Variants in MAP3K5 observed in about 807,000 individuals in gnomAD.
The protein encoded by MAP3K5 is mitogen-activated protein kinase kinase kinase 5.
Under a neutral mutation model 158.7 loss-of-function variants are expected in MAP3K5, and 56 were observed. The observed-to-expected ratio is 0.35, with a 90% CI of 0.28 to 0.44. The LOEUF (loss-of-function observed/expected upper bound fraction) is 0.44. MAP3K5 is among the 20% of genes least tolerant of loss of function. The probability of loss-of-function intolerance (pLI) is 1.00; values close to 1 mark genes in which losing one functional copy is unlikely to be tolerated. For missense variants in MAP3K5, 1,294 were observed against 1,674.8 expected (o/e 0.77, Z 3.97); for synonymous variants, 579 against 601.7 (o/e 0.96, Z 0.55).
intron 1 of MAP3K5, among the ~76,000 whole-genome samples, chr6:136,748,036 T>C (rs1783037888): frequency 6.6e-6 from 1 of 150,500 alleles, no homozygotes; most frequent in African/African-American, 2.4e-5. Context: ...AAATGATCTC[T>C]AAAAAAAAAC....
At chr6:136,619,067 AGCCTGGAGGCAGGGTGAAAGTCAC>A (rs1463670095) in intron 15 of MAP3K5, among the ~76,000 whole-genome samples, 1 of 152,152 alleles carries the variant, frequency 6.6e-6, no homozygotes, top group Non-Finnish European at 1.5e-5. Context: ...TGACATATGG[AGCCTGGAGGCAGGGTGAAAGTCAC>A]GCACTAAGGA....
At chr6:136,668,012 A>T (rs1479344392) in intron 8 of MAP3K5, among the ~76,000 whole-genome samples, 1 of 152,176 alleles carries the variant, frequency 6.6e-6, no homozygotes, top group Non-Finnish European at 1.5e-5. Context: ...CATTACATAA[A>T]GATACAAGCT....
intron 1 of MAP3K5, among the ~76,000 whole-genome samples, chr6:136,737,692 T>C (rs1180155772): frequency 6.6e-6 from 1 of 152,210 alleles, no homozygotes. Context: ...TTAACACACA[T>C]GATTGTCTAT....
At chr6:136,668,243 C>T (rs1282507524) in intron 8 of MAP3K5, among the ~76,000 whole-genome samples, 1 of 151,880 alleles carries the variant, frequency 6.6e-6, no homozygotes, top group South Asian at 2.1e-4. Context: ...AATTAGTCAG[C>T]TGTGGTGGTG....
chr6:136,783,803 G>C (rs533177129), intron 1 of MAP3K5, among the ~76,000 whole-genome samples: 1 of 152,206 alleles, frequency 6.6e-6, no homozygotes, highest in South Asian at 2.1e-4. Flanking sequence ...CTGGCTTGGA[G>C]TGGTGTTTGA....
chr6:136,678,765 G>A (rs1051478093), intron 7 of MAP3K5, among the ~76,000 whole-genome samples: 10 of 149,894 alleles, frequency 6.7e-5, no homozygotes, highest in South Asian at 6.3e-4. Context: ...TCGCTCTGTC[G>A]TCCAGGCTAG....
chr6:136,730,545 C>A (rs1186096877), intron 1 of MAP3K5, among the ~76,000 whole-genome samples: 1 of 151,598 alleles, frequency 6.6e-6, no homozygotes, highest in Non-Finnish European at 1.5e-5. Context: ...CACAGTAAAA[C>A]CCCGTCTCCA....
chr6:136,601,833 G>A lies in MAP3K5; in HGVS notation c.2826C>T (p.Ser942=), dbSNP rs1171749814. The A allele has an allele frequency of 1.9e-6, 3 of 1,613,440 alleles. No individual in the cohort carries two copies. The highest frequency in any genetic ancestry group is 2.5e-6 in the Non-Finnish European group (3 of 1,179,816). The change falls in exon 20 of 30, where the codon AGC becomes AGT. Residue 942 remains serine, a synonymous_variant. Transcript: ENST00000359015. Reference sequence around the variant, plus strand: ...GCTTAGGTTGTGTCTTTTTCTTTTTGCTTGAAACTTTTAAAAACTCATCAA... The same window carrying A: ...GCTTAGGTTGTGTCTTTTTCTTTTTACTTGAAACTTTTAAAAACTCATCAA... ...LLVDEFLKVS[S]KKKKTQPKLS...
chr6:136,578,218 C>A (rs1218767182), intron 25 of MAP3K5, among the ~76,000 whole-genome samples: 1 of 152,166 alleles, frequency 6.6e-6, no homozygotes, highest in East Asian at 1.9e-4. Flanking sequence ...TTCCTTAGAG[C>A]ATGAATTTCT....
intron 18 of MAP3K5, among the ~76,000 whole-genome samples, chr6:136,608,061 G>T (rs1321056855): frequency 6.6e-6 from 1 of 152,152 alleles, no homozygotes; most frequent in Non-Finnish European, 1.5e-5. Context: ...GCAGACAGCT[G>T]GGGTAGCGGC....
At chr6:136,578,150 T>C (rs969474986) in intron 25 of MAP3K5, among the ~76,000 whole-genome samples, 6 of 152,210 alleles carry the variant, frequency 3.9e-5, no homozygotes, top group Non-Finnish European at 7.3e-5. Flanking sequence ...CTATAGCACA[T>C]TCCCTACAAC....
At chr6:136,779,774 G>T (rs543665812) in intron 1 of MAP3K5, among the ~76,000 whole-genome samples, 2 of 152,322 alleles carry the variant, frequency 1.3e-5, no homozygotes, top group East Asian at 3.9e-4. Context: ...GCATATTCCT[G>T]ACTTGGTTAT....
chr6:136,656,111 G>T (rs926823631), intron 10 of MAP3K5, 196 bp downstream of exon 10: 4 of 544,290 alleles, frequency 7.3e-6, no homozygotes, highest in East Asian at 6.3e-5. Flanking sequence ...CATAAAAATA[G>T]ATCTCATTTC....
At chr6:136,630,188 G>C (rs1777275107) in intron 14 of MAP3K5, 1 of 152,106 alleles carries the variant, frequency 6.6e-6, no homozygotes, top group Non-Finnish European at 1.5e-5. Context: ...ACTATAGATG[G>C]TATTTTACTT....
intron 25 of MAP3K5, among the ~76,000 whole-genome samples, chr6:136,574,419 A>T (rs1200212130): frequency 6.6e-6 from 1 of 152,218 alleles, no homozygotes; most frequent in Non-Finnish European, 1.5e-5. Flanking sequence ...TGCTTGAAGC[A>T]GCTGTTAACA....
intron 21 of MAP3K5, among the ~76,000 whole-genome samples, chr6:136,600,772 C>G (rs1775839386): frequency 6.6e-6 from 1 of 152,154 alleles, no homozygotes; most frequent in Non-Finnish European, 1.5e-5. Context: ...AAAACACAGT[C>G]ACCATCTTGC....
intron 1 of MAP3K5, among the ~76,000 whole-genome samples, chr6:136,779,767 T>A (rs770824626): frequency 9.9e-5 from 15 of 152,226 alleles, no homozygotes; most frequent in Non-Finnish European, 1.6e-4. Context: ...ACCACTGGCA[T>A]ATTCCTGACT....
intron 1 of MAP3K5, among the ~76,000 whole-genome samples, chr6:136,721,896 T>C (rs1203666041): frequency 6.6e-6 from 1 of 152,078 alleles, no homozygotes; most frequent in Non-Finnish European, 1.5e-5. Context: ...TAACTTCAAA[T>C]TAAAAATATA....
chr6:136,627,450 A>G (rs541350835), intron 14 of MAP3K5, among the ~76,000 whole-genome samples: 79 of 152,356 alleles, frequency 5.2e-4, no homozygotes, highest in African/African-American at 1.8e-3. Context: ...GATGAAATCC[A>G]AACTCCTTAG....
Sources: gnomAD v4.1 joint callset for allele counts (sites outside exome capture counted in the v4.1 genomes callset) on GRCh38, gnomAD v4.1.1 for gene constraint, MANE v1.5 for transcripts, NCBI Gene and HGNC (gene_info 2026-07-23, HGNC 2026-07-21) for gene names.